Variants in ME3 observed in about 807,000 individuals in gnomAD.
ME3 encodes the protein malic enzyme 3.
Under a neutral mutation model 68.9 loss-of-function variants are expected in ME3, and 48 were observed. The observed-to-expected ratio is 0.70, with a 90% confidence interval of 0.55 to 0.89. The LOEUF (loss-of-function observed/expected upper bound fraction) is 0.89, where lower values mean the gene tolerates loss of function less well. Ranked by LOEUF, ME3 falls within the 40% of genes least tolerant of loss-of-function variation. ME3 has a pLI of 0.00. For missense variants in ME3, 675 were observed against 797.4 expected (o/e 0.85, Z 1.85); for synonymous variants, 320 against 318.8 (o/e 1.00, Z -0.04).
At chr11:86,669,271 C>A (rs1459627045) in intron 2 of ME3, among the ~76,000 whole-genome samples, 1 of 152,220 alleles carries the variant, frequency 6.6e-6, no homozygotes, top group Non-Finnish European at 1.5e-5. Context: ...TTATCCCAGA[C>A]AAGCATCAGC....
At chr11:86,459,093 C>T (rs1056334898) in intron 8 of ME3, among the ~76,000 whole-genome samples, 1 of 152,098 alleles carries the variant, frequency 6.6e-6, no homozygotes, top group African/African-American at 2.4e-5. Flanking sequence ...ATGCATTATC[C>T]TGGGGGAAGT....
chr11:86,535,336 G>A (rs979658700), intron 4 of ME3, among the ~76,000 whole-genome samples: 5 of 152,162 alleles, frequency 3.3e-5, no homozygotes, highest in Admixed American at 3.3e-4. Context: ...CACGTGGGAA[G>A]CACAGATTGG....
chr11:86,592,002 T>C (rs1441284141), intron 2 of ME3, among the ~76,000 whole-genome samples: 1 of 152,204 alleles, frequency 6.6e-6, no homozygotes, highest in Admixed American at 6.5e-5. Flanking sequence ...TGTTTTGTTA[T>C]GGGAGCCTGA....
At chr11:86,485,974 A>T (rs556623703) in intron 7 of ME3, among the ~76,000 whole-genome samples, 2 of 151,666 alleles carry the variant, frequency 1.3e-5, no homozygotes, top group East Asian at 3.9e-4. Flanking sequence ...ACATTCTCCC[A>T]CTCTCCTAGA....
rs191257830 is a variant in ME3 at position 86,479,888 on chromosome 11, C to T, written c.809+7449G>A. 2.5e-3 allele frequency among the ~76,000 whole-genome samples: 378 copies of T among 151,396 alleles called. 5 individuals carry two copies. Among genetic ancestry groups the T allele is most frequent in the African/African-American group, 8.5e-3 (350 of 41,238 alleles). On this transcript the variant is annotated intron_variant, in intron 7 of 14. Coordinates refer to ENST00000543262, the Ensembl canonical transcript of ME3. The stretch of plus-strand genomic sequence containing the variant: ...GGAGTGCAGTGGTGCCATCTCAGCT[C>T]ACTGCAACCTCCACCTCCTGGGTTC...
chr11:86,611,230 A>G (rs1942547377), intron 2 of ME3, among the ~76,000 whole-genome samples: 1 of 151,710 alleles, frequency 6.6e-6, no homozygotes, highest in South Asian at 2.1e-4. Context: ...TGTGGTTGCC[A>G]GGGCCCGGGG....
In ME3 at chr11:86,524,910, C is replaced by G. The variant is rs1000559343; in HGVS notation, c.468-16043G>C. 1.1e-4 allele frequency among the ~76,000 whole-genome samples: 16 copies of G among 152,236 alleles called. 2 individuals are homozygous for G. The highest frequency in any genetic ancestry group is 4.6e-4 in the Admixed American group (7 of 15,288). ...TCTAATGTGTTGTTTTGACTAAGTT[C>G]CGCCTCCAAACTACAAATCCCTCGA... is the stretch of plus-strand genomic sequence containing the variant. On this transcript the variant is annotated intron_variant, in intron 4 of 14. Coordinates refer to ENST00000543262, the Ensembl canonical transcript of ME3.
At position 86,450,310 on chromosome 11, in the gene ME3, A is replaced by G. The variant is rs781585268; in HGVS notation, c.1008T>C (p.Gly336=). 3.1e-6 allele frequency: 5 copies of G among 1,613,964 alleles called. No individual in the cohort carries two copies. In the South Asian group the frequency reaches 3.3e-5, roughly 11 times the overall value. Residue 336 remains glycine (G), a synonymous_variant, in exon 9 of 15, where the codon GGT becomes GGC. Transcript: ENST00000543262. The stretch of plus-strand genomic sequence containing the variant: ...CCTCAATGCCACATACCTCGCCTGC[A>G]CCTTGGAAAACAAACACGTGATTGG...
downstream of ME3, among the ~76,000 whole-genome samples, chr11:86,438,719 C>T (rs1948910917): frequency 6.6e-6 from 1 of 152,034 alleles, no homozygotes; most frequent in Non-Finnish European, 1.5e-5. Flanking sequence ...CCCCCATTTT[C>T]TTAAGGAGGA....
intron 5 of ME3, 83 bp downstream of exon 5, chr11:86,508,709 A>C: frequency 7.4e-7 from 1 of 1,347,272 alleles, no homozygotes; most frequent in Non-Finnish European, 1.1e-6. Flanking sequence ...ATAATGGCTC[A>C]TTTTATAGAT....
At chr11:86,661,808 C>T (rs549565794) in intron 2 of ME3, among the ~76,000 whole-genome samples, 5 of 152,134 alleles carry the variant, frequency 3.3e-5, no homozygotes, top group East Asian at 1.9e-4. Context: ...ACCCCTCTTA[C>T]GCTATAAGCT....
intron 4 of ME3, among the ~76,000 whole-genome samples, chr11:86,509,206 G>C (rs528336391): frequency 1.3e-4 from 20 of 151,890 alleles, no homozygotes; most frequent in Admixed American, 1.1e-3. Context: ...GGACTGTTTG[G>C]GCCTCTTTTC....
chr11:86,652,592 A>G (rs1945528359), intron 2 of ME3, among the ~76,000 whole-genome samples: 1 of 152,138 alleles, frequency 6.6e-6, no homozygotes, highest in Non-Finnish European at 1.5e-5. Context: ...CTCCTGAGGG[A>G]AGCACTAAAC....
intron 5 of ME3, among the ~76,000 whole-genome samples, chr11:86,500,426 C>T (rs1383125566): frequency 1.3e-5 from 2 of 152,214 alleles, no homozygotes; most frequent in South Asian, 2.1e-4. Flanking sequence ...ACTGTCCACC[C>T]GCAATCCTAC....
intron 4 of ME3, among the ~76,000 whole-genome samples, chr11:86,542,059 G>T (rs184618482): frequency 4.6e-5 from 7 of 152,188 alleles, no homozygotes; most frequent in Non-Finnish European, 1.0e-4. Flanking sequence ...TGCAGCAGAG[G>T]GGCCTGACTG....
At chr11:86,638,073 A>G (rs1449843734) in intron 2 of ME3, among the ~76,000 whole-genome samples, 1 of 151,958 alleles carries the variant, frequency 6.6e-6, no homozygotes, top group Non-Finnish European at 1.5e-5. Context: ...CCAGCTTCCC[A>G]CAGGAGCCCC....
At chr11:86,471,976 A>T (rs1413214624) in intron 7 of ME3, among the ~76,000 whole-genome samples, 2 of 152,226 alleles carry the variant, frequency 1.3e-5, no homozygotes, top group Non-Finnish European at 2.9e-5. Context: ...GTACATGGGA[A>T]GCCTCAAAGA....
At chr11:86,585,703 G>A (rs1049902127) in intron 2 of ME3, among the ~76,000 whole-genome samples, 24 of 152,172 alleles carry the variant, frequency 1.6e-4, no homozygotes, top group African/African-American at 5.3e-4. Flanking sequence ...TGAAAATGAT[G>A]AGCAAAAAGA....
intron 11 of ME3, among the ~76,000 whole-genome samples, chr11:86,447,910 C>T (rs1033495383): frequency 9.3e-5 from 14 of 151,310 alleles, no homozygotes; most frequent in African/African-American, 3.4e-4. Context: ...CAGACTAGCC[C>T]TGCACTTACT....
Sources: allele counts gnomAD v4.1 joint callset (sites outside exome capture counted in the v4.1 genomes callset), GRCh38; gene constraint gnomAD v4.1.1; transcripts MANE v1.5; gene names NCBI Gene and HGNC (gene_info 2026-07-23, HGNC 2026-07-21).